Variants in JAZF1 observed in about 807,000 individuals in gnomAD.
JAZF1 encodes JAZF zinc finger 1.
JAZF1 carries 8 observed loss-of-function variants against 26.4 expected under a neutral mutation model. The observed-to-expected ratio is 0.30, with a 90% CI of 0.18 to 0.55. The LOEUF (loss-of-function observed/expected upper bound fraction) is 0.55. JAZF1 is among the 20% of genes least tolerant of loss of function. The pLI is 0.94. For synonymous variants in JAZF1, 126 were observed against 122.3 expected, an observed-to-expected ratio of 1.03 and a Z score of -0.20; for missense variants, 199 against 322.0, an observed-to-expected ratio of 0.62 and a Z score of 2.92.
At chr7:27,942,249 C>T (rs1288542424) in intron 2 of JAZF1, among the ~76,000 whole-genome samples, 2 of 152,216 alleles carry the variant, frequency 1.3e-5, no homozygotes, top group African/African-American at 4.8e-5. Context: ...ATGTCTTATG[C>T]GCAGCCTTCC....
chr7:27,834,869 ATGTAT>A (rs1275048251), intron 4 of JAZF1, among the ~76,000 whole-genome samples: 1 of 152,198 alleles, frequency 6.6e-6, no homozygotes, highest in African/African-American at 2.4e-5. Flanking sequence ...GTTTTAAGCC[ATGTAT>A]TGTGTGTGTG....
At chr7:27,877,519 T>C (rs1783698792) in intron 3 of JAZF1, among the ~76,000 whole-genome samples, 1 of 152,124 alleles carries the variant, frequency 6.6e-6, no homozygotes, top group Non-Finnish European at 1.5e-5. Context: ...TATGTGTTCC[T>C]TCAATATGGG....
intron 3 of JAZF1, among the ~76,000 whole-genome samples, chr7:27,861,176 G>T (rs1783372337): frequency 3.3e-5 from 5 of 152,284 alleles, no homozygotes; most frequent in Admixed American, 3.3e-4. Context: ...CCCATTCTCA[G>T]ATGTGTCCTC....
At chr7:27,937,112 C>T (rs1387279911) in intron 2 of JAZF1, among the ~76,000 whole-genome samples, 1 of 152,144 alleles carries the variant, frequency 6.6e-6, no homozygotes, top group Non-Finnish European at 1.5e-5. Flanking sequence ...TGCTTGGTGT[C>T]AACTAGAGTT....
At chr7:27,908,160 A>G (rs1347105560) in intron 2 of JAZF1, among the ~76,000 whole-genome samples, 4 of 152,256 alleles carry the variant, frequency 2.6e-5, no homozygotes, top group Non-Finnish European at 5.9e-5. Context: ...ACATATTCAG[A>G]TAACAGCATC....
At chr7:27,876,395 C>T (rs1783680552) in intron 3 of JAZF1, among the ~76,000 whole-genome samples, 1 of 152,158 alleles carries the variant, frequency 6.6e-6, no homozygotes, top group Non-Finnish European at 1.5e-5. Flanking sequence ...CTTGGGAGAG[C>T]ATCTGATAGG....
At chr7:28,136,696 G>A (rs1340055362) in intron 1 of JAZF1, among the ~76,000 whole-genome samples, 2 of 152,230 alleles carry the variant, frequency 1.3e-5, no homozygotes, top group African/African-American at 4.8e-5. Flanking sequence ...GGAGTTTGTG[G>A]TCTAGTTAGG....
At chr7:27,872,105 G>A (rs1479067570) in intron 3 of JAZF1, among the ~76,000 whole-genome samples, 2 of 152,172 alleles carry the variant, frequency 1.3e-5, no homozygotes, top group African/African-American at 2.4e-5. Context: ...GTCCCCGCCA[G>A]CAAGCTCCAT....
At chr7:27,957,216 T>C (rs927632446) in intron 2 of JAZF1, among the ~76,000 whole-genome samples, 2 of 152,214 alleles carry the variant, frequency 1.3e-5, no homozygotes, top group Non-Finnish European at 2.9e-5. Context: ...CTGACATCAG[T>C]TGGCCACATT....
At position 28,144,853 on chromosome 7, in the gene JAZF1, T is replaced by C. The variant is rs1403291463; in HGVS notation, c.115+35610A>G. 2.6e-5 allele frequency among the ~76,000 whole-genome samples: 4 copies of C among 152,176 alleles called. No homozygotes were observed. The East Asian group carries it at 5.8e-4, about 22-fold the overall frequency. ...AATCAAAGGTAAATCTGCTGGAAAATGGCACTTGGCTTCCAGTATTATTAC... is the reference window on the plus strand; with the variant it reads ...AATCAAAGGTAAATCTGCTGGAAAACGGCACTTGGCTTCCAGTATTATTAC... On this transcript the variant is annotated intron_variant, in intron 1 of 4. Transcript: ENST00000283928.
rs1272557341 is a variant in JAZF1, at chr7:28,094,754, A to T, written c.115+85709T>A. Among the ~76,000 whole-genome samples the T allele has an allele frequency of 5.3e-5, 8 of 152,314 alleles. No homozygotes were observed. The East Asian group carries it at 1.5e-3, about 29-fold the overall frequency. ...TCATGTTTTGCTTATGGTGCTTTTT[A>T]AAAATTATTATTTTTTATTTTTTTT... On this transcript the variant is annotated intron_variant, in intron 1 of 4. Transcript: ENST00000283928.
At chr7:28,041,572 A>G (rs908785431) in intron 1 of JAZF1, among the ~76,000 whole-genome samples, 2 of 152,088 alleles carry the variant, frequency 1.3e-5, no homozygotes, top group African/African-American at 4.8e-5. Context: ...ACTTTCCAAG[A>G]CATGTTTGTG....
At chr7:28,161,558 G>C (rs1043853065) in intron 1 of JAZF1, among the ~76,000 whole-genome samples, 1 of 152,182 alleles carries the variant, frequency 6.6e-6, no homozygotes, top group Non-Finnish European at 1.5e-5. Context: ...TGCTGTCACA[G>C]GAATGAGTGT....
chr7:28,180,241 G>A (rs1452465209), intron 1 of JAZF1: 1 of 11,196 alleles, frequency 8.9e-5, no homozygotes, highest in Non-Finnish European at 1.7e-4. Flanking sequence ...CCGCCCGCCC[G>A]CGGCACCTCG....
chr7:28,094,836 C>T (rs890624671), intron 1 of JAZF1, among the ~76,000 whole-genome samples: 1 of 152,156 alleles, frequency 6.6e-6, no homozygotes, highest in Non-Finnish European at 1.5e-5. Context: ...TGCGCCTGCT[C>T]ATGATGTTTT....
chr7:28,007,857 G>A (rs1186789995), intron 1 of JAZF1, among the ~76,000 whole-genome samples: 1 of 152,152 alleles, frequency 6.6e-6, no homozygotes, highest in Non-Finnish European at 1.5e-5. Context: ...CCCCATGCAT[G>A]GCCTCTCCCA....
chr7:27,925,469 A>G (rs2097737), intron 2 of JAZF1, among the ~76,000 whole-genome samples: 145,478 of 152,326 alleles, frequency 0.96, 69,567 homozygotes, highest in East Asian at 1. Context: ...TGTTGCCCAG[A>G]CTGGAGTGCA....
At chr7:27,890,051 T>C (rs1045535265) in intron 3 of JAZF1, among the ~76,000 whole-genome samples, 1 of 152,210 alleles carries the variant, frequency 6.6e-6, no homozygotes, top group Non-Finnish European at 1.5e-5. Flanking sequence ...AAATGGTCAT[T>C]ATTTATTTAT....
chr7:27,878,678 A>C (rs900670757), intron 3 of JAZF1, among the ~76,000 whole-genome samples: 1 of 152,194 alleles, frequency 6.6e-6, no homozygotes, highest in African/African-American at 2.4e-5. Context: ...TTGTAAATTT[A>C]GGAGTGTTAA....
Sources: allele counts gnomAD v4.1 joint callset (sites outside exome capture counted in the v4.1 genomes callset), GRCh38; gene constraint gnomAD v4.1.1; transcripts MANE v1.5; gene names NCBI Gene and HGNC (gene_info 2026-07-23, HGNC 2026-07-21).